The following ARSB variants were observed in gnomAD, a reference collection of about 807,000 sequenced individuals.
ARSB encodes the protein N-acetylgalactosamine-4-sulfatase.
Under a neutral mutation model 50.9 loss-of-function variants are expected in ARSB, and 41 were observed. That is an observed-to-expected ratio of 0.81 (90% CI 0.63 to 1.04). ARSB has a LOEUF of 1.04. Among genes scored for constraint, ARSB ranks in the 50% least tolerant of loss-of-function variants. The pLI, the probability that ARSB is intolerant of heterozygous loss-of-function variation, is 0.00. For synonymous variants in ARSB, 269 were observed against 284.8 expected (o/e 0.94, Z 0.56); for missense variants, 672 against 693.3 (o/e 0.97, Z 0.35).
At chr5:78,857,443 GTTGATT>G (rs1425260629) in intron 5 of ARSB, among the ~76,000 whole-genome samples, 1 of 152,142 alleles carries the variant, frequency 6.6e-6, no homozygotes, top group East Asian at 1.9e-4. Context: ...TTATCAGATT[GTTGATT>G]TTATTTGTGA....
intron 5 of ARSB, 97 bp from the exon 6 acceptor site, chr5:78,839,523 A>C (rs1581024606): frequency 8.0e-6 from 9 of 1,118,044 alleles, no homozygotes. Context: ...GAAATAACAA[A>C]CCTGCCAGTT....
intron 5 of ARSB, among the ~76,000 whole-genome samples, chr5:78,858,214 A>T (rs1490287055): frequency 1.3e-5 from 2 of 152,244 alleles, no homozygotes; most frequent in African/African-American, 4.8e-5. Flanking sequence ...CCATAAACAA[A>T]TATCTCTATT....
intron 4 of ARSB, among the ~76,000 whole-genome samples, chr5:78,937,408 ATATG>A (rs1167051763): frequency 8.5e-5 from 12 of 141,088 alleles, no homozygotes; most frequent in Admixed American, 1.4e-4. Context: ...TAAGATATAT[ATATG>A]TAAGATATAT....
At chr5:78,850,172 C>T (rs1321110573) in intron 5 of ARSB, among the ~76,000 whole-genome samples, 376 of 152,334 alleles carry the variant, frequency 2.5e-3, no homozygotes, top group Non-Finnish European at 4.2e-3. Flanking sequence ...AGTTTTTGCC[C>T]ATTCAGTATA....
intron 6 of ARSB, among the ~76,000 whole-genome samples, chr5:78,809,493 G>A (rs1036792904): frequency 6.6e-6 from 1 of 152,250 alleles, no homozygotes; most frequent in South Asian, 2.1e-4. Flanking sequence ...AAAGAGTGAG[G>A]AACAACAGGC....
At position 78,972,669 on chromosome 5, in the gene ARSB, A is replaced by G. The variant is rs117457632; in HGVS notation, c.313-3477T>C. 1.4e-3 allele frequency among the ~76,000 whole-genome samples: 208 copies of G among 152,220 alleles called. 4 individuals carry two copies. The East Asian group carries it at 0.017, about 13-fold the overall frequency. On this transcript the variant is annotated intron_variant, in intron 1 of 7. Coordinates refer to ENST00000264914, the MANE Select transcript of ARSB (RefSeq NM_000046.5). ...TGGCAACCAGGCAGGATAAGTAAAG[A>G]TAATATTTTATGGAATCCAAAAGCC...
chr5:78,836,976 A>G (rs1164346266), intron 6 of ARSB, among the ~76,000 whole-genome samples: 1 of 151,874 alleles, frequency 6.6e-6, no homozygotes, highest in Non-Finnish European at 1.5e-5. Flanking sequence ...ACCAGATCTC[A>G]TGAGAACTCA....
rs1309439456 is a variant in ARSB at position 78,962,957 on chromosome 5, T to C, written c.690+1459A>G. Among the ~76,000 whole-genome samples, 5 of 152,136 alleles carry C rather than the reference T, an allele frequency of 3.3e-5. No homozygotes were observed. In the East Asian group the frequency reaches 5.8e-4, roughly 18 times the overall value. On this transcript the variant is annotated intron_variant, in intron 3 of 7. Coordinates refer to ENST00000264914, the MANE Select transcript of ARSB (RefSeq NM_000046.5). Reference sequence around the variant, plus strand: ...GCCACATACCAAGTCCAAACAGGTATGTAAACCAGAATCCACACGGTGATC... The same window carrying C: ...GCCACATACCAAGTCCAAACAGGTACGTAAACCAGAATCCACACGGTGATC...
Position 78,779,057 on chromosome 5 carries a change from T to C in ARSB, c.*1340A>G, listed in dbSNP as rs1352611101. The C allele has an allele frequency of 6.6e-6, 1 of 152,102 alleles. No homozygotes were observed. The highest frequency in any genetic ancestry group is 6.6e-5 in the Admixed American group (1 of 15,264). 9.4% of individuals were successfully genotyped at this position (152,102 alleles called of 1,614,324 possible). A position where few individuals can be genotyped will look rare whatever the true frequency, so the allele number is the denominator to read the frequency against. On this transcript the variant is annotated 3_prime_UTR_variant, in exon 8 of 8. Transcript: ENST00000264914. ...TAAAAATAAAATAAAAATTAAAAAA[T>C]GAGTGCCTTCAGGCAGTGTTCCAAG...
chr5:78,914,703 G>C (rs912672234), intron 4 of ARSB, among the ~76,000 whole-genome samples: 5 of 152,180 alleles, frequency 3.3e-5, no homozygotes, highest in Non-Finnish European at 5.9e-5. Flanking sequence ...TTGAGACAGA[G>C]TCTCGCTCTG....
chr5:78,930,821 G>C (rs1406905684), intron 4 of ARSB, among the ~76,000 whole-genome samples: 1 of 152,206 alleles, frequency 6.6e-6, no homozygotes, highest in African/African-American at 2.4e-5. Context: ...GCAATCTCAT[G>C]CTTCTGAAAG....
At chr5:78,907,474 C>T (rs1749115903) in intron 4 of ARSB, among the ~76,000 whole-genome samples, 1 of 152,168 alleles carries the variant, frequency 6.6e-6, no homozygotes. Flanking sequence ...ACATACAAAA[C>T]TCTCAGTAAC....
intron 6 of ARSB, among the ~76,000 whole-genome samples, chr5:78,808,150 A>G (rs1000112996): frequency 1.3e-5 from 2 of 151,230 alleles, no homozygotes; most frequent in East Asian, 3.9e-4. Flanking sequence ...AAACATGCAC[A>G]GAAGTAGACT....
At chr5:78,937,384 A>T (rs112757692) in intron 4 of ARSB, among the ~76,000 whole-genome samples, 2 of 144,964 alleles carry the variant, frequency 1.4e-5, no homozygotes, top group East Asian at 3.9e-4. Flanking sequence ...TAAGATATAT[A>T]TATCATATAT....
At chr5:78,959,783 T>C (rs1412803034) in intron 3 of ARSB, among the ~76,000 whole-genome samples, 1 of 152,220 alleles carries the variant, frequency 6.6e-6, no homozygotes, top group South Asian at 2.1e-4. Flanking sequence ...TTCTATACTA[T>C]TTTTAAATTG....
In ARSB at chr5:78,777,940, G is replaced by C. The variant is rs576148086; in HGVS notation, c.*2457C>G. 1 of 151,140 alleles carries C rather than the reference G, an allele frequency of 6.6e-6. No homozygotes were observed. The highest frequency in any genetic ancestry group is 2.1e-4 in the South Asian group (1 of 4,758). The allele number at this position is 151,140 out of a possible 1,614,324, so 9.4% of individuals were successfully genotyped here. On this transcript the variant is annotated 3_prime_UTR_variant, in exon 8 of 8. Coordinates refer to ENST00000264914, the MANE Select transcript of ARSB (RefSeq NM_000046.5). ...TTTCACATTCTTATATAGAATCAGA[G>C]AATCTAATGAAATACATTCTATTAT...
rs768802200 is a variant in ARSB at position 78,969,182 on chromosome 5, C to A, written c.323G>T (p.Gly108Val). ...GGGCCAGATTATTTGGTGCTGTAAA[C>A]CTGTACGGATCTTACAGAGATAAAC... ...LLTGRYQIRT[G>V]LQHQIIWPCQ... is the part of the protein sequence containing the mutation. Residue 108 changes from glycine (G) to valine (V), a missense_variant, in exon 2 of 8, where the codon GGT becomes GTT. Coordinates refer to ENST00000264914, the MANE Select transcript of ARSB (RefSeq NM_000046.5). 1.2e-6 allele frequency: 2 copies of A among 1,614,052 alleles called. No individual in the cohort carries two copies. The highest frequency in any genetic ancestry group is 1.7e-4 in the Middle Eastern group (1 of 6,058).
rs537652480 is a variant in ARSB at position 78,879,083 on chromosome 5, G to C, written c.1142+6501C>G. ...TGCCCAGGCTGGTCTCGAACTCCTG[G>C]GCTCAAGCAATCCTCCCTCCTCGGC... On this transcript the variant is annotated intron_variant, in intron 5 of 7. Coordinates refer to ENST00000264914, the MANE Select transcript of ARSB (RefSeq NM_000046.5). Among the ~76,000 whole-genome samples the C allele has an allele frequency of 2.1e-3, 326 of 152,184 alleles. 1 individual carries two copies. The highest frequency in any genetic ancestry group is 7.6e-3 in the African/African-American group (314 of 41,530).
intron 7 of ARSB, 24 bp from the exon 8 acceptor site, chr5:78,780,686 T>C: frequency 6.2e-7 from 1 of 1,613,414 alleles, no homozygotes; most frequent in Non-Finnish European, 8.5e-7. Context: ...CAAAACAGTT[T>C]ACTGAGGGAG....
Sources: allele counts gnomAD v4.1 joint callset (sites outside exome capture counted in the v4.1 genomes callset), GRCh38; gene constraint gnomAD v4.1.1; transcripts MANE v1.5; gene names NCBI Gene and HGNC (gene_info 2026-07-23, HGNC 2026-07-21).